GRIA1: variants seen among roughly 807,000 people sequenced by gnomAD.
The protein encoded by GRIA1 is glutamate ionotropic receptor AMPA type subunit 1, also known as glutamate receptor 1.
GRIA1 carries 31 observed loss-of-function variants against 99.2 expected under a neutral mutation model. That is an observed-to-expected ratio of 0.31 (90% CI 0.23 to 0.42). The LOEUF (loss-of-function observed/expected upper bound fraction) is 0.42. GRIA1 is among the 10% of genes least tolerant of loss of function. The pLI is 1.00. For synonymous variants in GRIA1, 438 were observed against 432.4 expected, an observed-to-expected ratio of 1.01 and a Z score of -0.16; for missense variants, 782 against 1,157.5, an observed-to-expected ratio of 0.68 and a Z score of 4.71.
At chr5:153,589,075 A>T (rs1763742049) in intron 2 of GRIA1, among the ~76,000 whole-genome samples, 1 of 152,198 alleles carries the variant, frequency 6.6e-6, no homozygotes, top group Non-Finnish European at 1.5e-5. Context: ...TGGAAATAAA[A>T]TTCTGTTCCT....
chr5:153,585,604 C>T (rs62384382), intron 2 of GRIA1, among the ~76,000 whole-genome samples: 55,341 of 151,890 alleles, frequency 0.36, 13,073 homozygotes, highest in Non-Finnish European at 0.53. Flanking sequence ...CCACTGTGCC[C>T]GGCCCCTGTC....
intron 13 of GRIA1, among the ~76,000 whole-genome samples, chr5:153,777,757 A>G (rs1764355577): frequency 6.6e-6 from 1 of 152,226 alleles, no homozygotes; most frequent in Non-Finnish European, 1.5e-5. Flanking sequence ...TCCCCCACAG[A>G]GAACATGCTA....
intron 2 of GRIA1, among the ~76,000 whole-genome samples, chr5:153,622,602 T>C (rs911930887): frequency 6.6e-6 from 1 of 152,242 alleles, no homozygotes; most frequent in Non-Finnish European, 1.5e-5. Context: ...TATGTGAAAG[T>C]TAGCTCCATA....
At chr5:153,792,848 G>A (rs914795613) in intron 13 of GRIA1, among the ~76,000 whole-genome samples, 16 of 152,172 alleles carry the variant, frequency 1.1e-4, no homozygotes, top group African/African-American at 3.9e-4. Context: ...ACTAAAGAGT[G>A]CATTTCTGGG....
rs183854284 is a variant in GRIA1, at chr5:153,553,351, G to T, written c.220+59286G>T. ...ATGAGAGGCATAAGACAGAGTGAAA[G>T]ACTGAGGCAGGTTTCAGAGCAGGAG... On this transcript the variant is annotated intron_variant, in intron 2 of 15. Transcript: ENST00000285900. 4.3e-4 allele frequency among the ~76,000 whole-genome samples: 66 copies of T among 152,334 alleles called. No individual in the cohort carries two copies. The Middle Eastern group carries it at 0.017, about 39-fold the overall frequency.
intron 2 of GRIA1, among the ~76,000 whole-genome samples, chr5:153,494,933 C>T (rs547807844): frequency 1.2e-4 from 18 of 152,112 alleles, no homozygotes; most frequent in Admixed American, 3.3e-4. Flanking sequence ...TGAATTGGCA[C>T]GATAGTCTTG....
intron 2 of GRIA1, among the ~76,000 whole-genome samples, chr5:153,576,805 C>T (rs906267250): frequency 4.6e-5 from 7 of 152,212 alleles, no homozygotes; most frequent in African/African-American, 7.2e-5. Flanking sequence ...TTTATTGCCA[C>T]TGTTGGCCCT....
In GRIA1 at chr5:153,630,739, G is replaced by T. The variant is rs533155711; in HGVS notation, c.221-16189G>T. ...CCTTATCTCCTTAGCTGTCTTGAAG[G>T]AGACAATAGAGGGTGGAGGAGAAGT... On this transcript the variant is annotated intron_variant, in intron 2 of 15. Coordinates refer to ENST00000285900, the MANE Select transcript of GRIA1 (RefSeq NM_000827.4). 2.6e-5 allele frequency among the ~76,000 whole-genome samples: 4 copies of T among 152,286 alleles called. No homozygotes were observed. In the South Asian group the frequency reaches 8.3e-4, roughly 32 times the overall value.
At chr5:153,517,739 C>A (rs149493502) in intron 2 of GRIA1, among the ~76,000 whole-genome samples, 2 of 152,214 alleles carry the variant, frequency 1.3e-5, no homozygotes, top group Admixed American at 1.3e-4. Flanking sequence ...AACCCCGTAT[C>A]CCTCACACTG....
At chr5:153,727,947 A>G (rs1456301361) in intron 11 of GRIA1, among the ~76,000 whole-genome samples, 2 of 151,716 alleles carry the variant, frequency 1.3e-5, no homozygotes, top group African/African-American at 4.8e-5. Flanking sequence ...CCAAAAGAAC[A>G]AAGCTGGAGG....
intron 11 of GRIA1, among the ~76,000 whole-genome samples, chr5:153,741,195 C>T (rs1402512242): frequency 6.6e-6 from 1 of 152,026 alleles, no homozygotes; most frequent in South Asian, 2.1e-4. Flanking sequence ...AGGATGGACT[C>T]GATCTCCTGA....
At chr5:153,663,903 C>T (rs1020654134) in intron 5 of GRIA1, among the ~76,000 whole-genome samples, 20 of 152,172 alleles carry the variant, frequency 1.3e-4, no homozygotes, top group Non-Finnish European at 2.8e-4. Flanking sequence ...TCTTGCAAAC[C>T]ATGCACACCT....
At chr5:153,796,244 C>T (rs1765639101) in intron 14 of GRIA1, among the ~76,000 whole-genome samples, 4 of 151,984 alleles carry the variant, frequency 2.6e-5, no homozygotes, top group Admixed American at 1.3e-4. Flanking sequence ...TGAAAGAGAG[C>T]CTGCAGAGGA....
chr5:153,639,770 C>G (rs1036395968), intron 2 of GRIA1, among the ~76,000 whole-genome samples: 2 of 152,202 alleles, frequency 1.3e-5, no homozygotes, highest in Admixed American at 6.5e-5. Context: ...ATACACTACA[C>G]ATTCAGGAAA....
At chr5:153,697,822 G>C (rs1455837117) in intron 8 of GRIA1, among the ~76,000 whole-genome samples, 1 of 152,184 alleles carries the variant, frequency 6.6e-6, no homozygotes, top group Non-Finnish European at 1.5e-5. Flanking sequence ...TTTCCAAACT[G>C]AACCAATTAT....
intron 8 of GRIA1, among the ~76,000 whole-genome samples, chr5:153,690,991 G>A (rs1757704795): frequency 2.6e-5 from 4 of 152,168 alleles, no homozygotes; most frequent in Non-Finnish European, 5.9e-5. Context: ...GTAAAAAGGA[G>A]CTGTTTCTTC....
At chr5:153,778,927 T>C (rs2149633772) in intron 13 of GRIA1, among the ~76,000 whole-genome samples, 1 of 152,250 alleles carries the variant, frequency 6.6e-6, no homozygotes, top group East Asian at 1.9e-4. Flanking sequence ...AATGCAAAAC[T>C]GTGCATCTGA....
intron 2 of GRIA1, among the ~76,000 whole-genome samples, chr5:153,590,459 T>C (rs1763866286): frequency 6.6e-6 from 1 of 151,456 alleles, no homozygotes; most frequent in African/African-American, 2.4e-5. Flanking sequence ...GTCCTGTGAG[T>C]ATTGTTGATG....
chr5:153,715,796 G>C (rs1331905465), intron 11 of GRIA1, among the ~76,000 whole-genome samples: 4 of 152,170 alleles, frequency 2.6e-5, no homozygotes, highest in Non-Finnish European at 5.9e-5. Flanking sequence ...GACATGAGGG[G>C]TTGTATGTTC....
Sources: allele counts gnomAD v4.1 joint callset (sites outside exome capture counted in the v4.1 genomes callset), GRCh38; gene constraint gnomAD v4.1.1; transcripts MANE v1.5; gene names NCBI Gene and HGNC (gene_info 2026-07-23, HGNC 2026-07-21).